The following NEGR1 variants were observed in gnomAD, a reference collection of about 807,000 sequenced individuals.
NEGR1 encodes the protein neuronal growth regulator 1.
In NEGR1, 10 loss-of-function variants were observed where a neutral mutation model predicts 40.9. The ratio of observed to expected loss-of-function variants is 0.24; its 90% CI spans 0.15 to 0.42. The LOEUF is 0.42. Ranked by LOEUF, NEGR1 falls within the 10% of genes least tolerant of loss-of-function variation. The pLI is 1.00. For synonymous variants in NEGR1, 185 were observed against 166.8 expected (o/e 1.11, Z -0.84); for missense variants, 352 against 438.9 (o/e 0.80, Z 1.77).
chr1:72,177,838 T>C (rs1570085714), intron 1 of NEGR1, among the ~76,000 whole-genome samples: 2 of 151,724 alleles, frequency 1.3e-5, no homozygotes, highest in East Asian at 3.9e-4. Context: ...ATTTTTACAA[T>C]GACTAGGGAA....
chr1:71,919,861 C>T (rs2101881757), intron 2 of NEGR1, among the ~76,000 whole-genome samples: 1 of 152,288 alleles, frequency 6.6e-6, no homozygotes, highest in Middle Eastern at 3.4e-3. Flanking sequence ...TTATTGCCAG[C>T]TGCAGAGATG....
intron 6 of NEGR1, among the ~76,000 whole-genome samples, chr1:71,424,202 T>C (rs1646415342): frequency 6.6e-6 from 1 of 152,168 alleles, no homozygotes; most frequent in Non-Finnish European, 1.5e-5. Flanking sequence ...TAAGGTTAAG[T>C]GTAATGACCC....
intron 2 of NEGR1, among the ~76,000 whole-genome samples, chr1:71,926,469 G>A (rs1377440670): frequency 6.6e-6 from 1 of 151,822 alleles, no homozygotes; most frequent in East Asian, 1.9e-4. Flanking sequence ...CTCATGAGTA[G>A]ATCCAAGACA....
At position 71,901,940 on chromosome 1, in the gene NEGR1, A is replaced by AT. The variant is rs542491219; in HGVS notation, c.409+33138dup. On this transcript the variant is annotated intron_variant, in intron 2 of 6. Coordinates refer to ENST00000357731, the MANE Select transcript of NEGR1 (RefSeq NM_173808.3). ...CACCTCGACCTCCCAAAATGCTGAG[A>AT]TTACAGGCGTGAGCCACCACACCTG... is the stretch of plus-strand genomic sequence containing the variant. 3.0e-4 allele frequency among the ~76,000 whole-genome samples: 46 copies of AT among 152,264 alleles called. No homozygotes were observed. The East Asian group carries it at 8.1e-3, about 27-fold the overall frequency.
rs546630819 is a variant in NEGR1 at position 71,642,136 on chromosome 1, G to C, written c.668-30990C>G. On this transcript the variant is annotated intron_variant, in intron 4 of 6. Transcript: ENST00000357731. ...GTCTGTGGGTCAGGGGAGCGACACAGTGACATTCAGACGTTCATTGGGATA... is the reference window on the plus strand; with the variant it reads ...GTCTGTGGGTCAGGGGAGCGACACACTGACATTCAGACGTTCATTGGGATA... Among the ~76,000 whole-genome samples the C allele has an allele frequency of 2.0e-5, 3 of 152,050 alleles. No individual in the cohort carries two copies. The South Asian group carries it at 6.2e-4, about 32-fold the overall frequency.
intron 6 of NEGR1, among the ~76,000 whole-genome samples, chr1:71,410,576 TTACAAA>T (rs1364285226): frequency 2.6e-5 from 4 of 152,142 alleles, no homozygotes; most frequent in Non-Finnish European, 2.9e-5. Flanking sequence ...TAGGCAACAG[TTACAAA>T]TACAATTATT....
At chr1:71,657,600 G>A (rs1197110198) in intron 4 of NEGR1, among the ~76,000 whole-genome samples, 1 of 152,044 alleles carries the variant, frequency 6.6e-6, no homozygotes, top group East Asian at 1.9e-4. Context: ...AAACATAAAA[G>A]GCAAGGAAAC....
At chr1:71,990,774 CTT>C (rs1013198707) in intron 1 of NEGR1, among the ~76,000 whole-genome samples, 13 of 151,994 alleles carry the variant, frequency 8.6e-5, no homozygotes, top group African/African-American at 3.1e-4. Flanking sequence ...TTCATCAAAA[CTT>C]TACTTAGTCC....
At chr1:71,566,696 T>C (rs1648629190) in intron 6 of NEGR1, among the ~76,000 whole-genome samples, 1 of 152,224 alleles carries the variant, frequency 6.6e-6, no homozygotes, top group Admixed American at 6.5e-5. Flanking sequence ...TTCTCATTTC[T>C]GATCATGTCA....
chr1:71,804,779 A>C (rs1240821839), intron 2 of NEGR1, among the ~76,000 whole-genome samples: 3 of 152,188 alleles, frequency 2.0e-5, no homozygotes, highest in African/African-American at 7.2e-5. Context: ...TTTGTAGAGC[A>C]TGTGTGTTTG....
At chr1:71,982,979 G>T (rs1479588175) in intron 1 of NEGR1, among the ~76,000 whole-genome samples, 1 of 152,102 alleles carries the variant, frequency 6.6e-6, no homozygotes, top group African/African-American at 2.4e-5. Flanking sequence ...GGGTGTTGAT[G>T]TAATCATTGT....
chr1:72,244,792 G>A (rs1038994377), intron 1 of NEGR1, among the ~76,000 whole-genome samples: 6 of 151,688 alleles, frequency 4.0e-5, no homozygotes, highest in South Asian at 4.2e-4. Flanking sequence ...TTAATATATC[G>A]AATTGTTCAT....
intron 1 of NEGR1, among the ~76,000 whole-genome samples, chr1:72,192,266 T>G (rs1308468176): frequency 6.6e-6 from 1 of 151,830 alleles, no homozygotes. Flanking sequence ...GCAGCAGTGC[T>G]ACTTGAGTTT....
intron 2 of NEGR1, among the ~76,000 whole-genome samples, chr1:71,798,831 T>TATCCCAATAATCCCTTTA (rs1657437361): frequency 6.6e-6 from 1 of 152,174 alleles, no homozygotes; most frequent in Non-Finnish European, 1.5e-5. Flanking sequence ...GTTGATACCT[T>TATCCCAATAATCCCTTTA]ATCCCAATAA....
chr1:72,138,929 A>G (rs559511752), intron 1 of NEGR1, among the ~76,000 whole-genome samples: 1 of 152,160 alleles, frequency 6.6e-6, no homozygotes, highest in South Asian at 2.1e-4. Flanking sequence ...AATTATGTAT[A>G]AAGATACACC....
At chr1:71,652,283 C>T (rs1651742311) in intron 4 of NEGR1, among the ~76,000 whole-genome samples, 1 of 152,130 alleles carries the variant, frequency 6.6e-6, no homozygotes, top group Non-Finnish European at 1.5e-5. Flanking sequence ...CATTTTTTTA[C>T]ACTATCAATT....
intron 1 of NEGR1, among the ~76,000 whole-genome samples, chr1:72,074,492 A>T (rs1227444805): frequency 1.3e-5 from 2 of 152,066 alleles, no homozygotes; most frequent in Non-Finnish European, 2.9e-5. Context: ...TTTTATCGGC[A>T]CTACACCATT....
chr1:71,882,074 T>C (rs1235871625), intron 2 of NEGR1, among the ~76,000 whole-genome samples: 1 of 151,880 alleles, frequency 6.6e-6, no homozygotes, highest in Non-Finnish European at 1.5e-5. Context: ...CATGTTGCCT[T>C]CCTGTGAAAT....
At chr1:71,768,591 G>A (rs1281911333) in intron 3 of NEGR1, among the ~76,000 whole-genome samples, 1 of 152,142 alleles carries the variant, frequency 6.6e-6, no homozygotes, top group Non-Finnish European at 1.5e-5. Context: ...ATGAAACTTT[G>A]AACTTTGGAC....
Sources: gnomAD v4.1 joint callset for allele counts (sites outside exome capture counted in the v4.1 genomes callset) on GRCh38, gnomAD v4.1.1 for gene constraint, MANE v1.5 for transcripts, NCBI Gene and HGNC (gene_info 2026-07-23, HGNC 2026-07-21) for gene names.